Variants in TEK observed in about 807,000 individuals in gnomAD.
TEK encodes the protein angiopoietin-1 receptor.
In TEK, 43 loss-of-function variants were observed where a neutral mutation model predicts 131.8. The observed-to-expected ratio is 0.33, with a 90% confidence interval of 0.26 to 0.42. The LOEUF is 0.42. Ranked by LOEUF, TEK falls within the 10% of genes least tolerant of loss-of-function variation. The probability of loss-of-function intolerance (pLI) is 1.00; values close to 1 mark genes in which losing one functional copy is unlikely to be tolerated. For missense variants in TEK, 1,162 were observed against 1,384.4 expected, an observed-to-expected ratio of 0.84 and a Z score of 2.55; for synonymous variants, 580 against 491.6, an observed-to-expected ratio of 1.18 and a Z score of -2.38.
intron 1 of TEK, among the ~76,000 whole-genome samples, chr9:27,110,628 T>C (rs1821302767): frequency 6.6e-6 from 1 of 152,198 alleles, no homozygotes; most frequent in Non-Finnish European, 1.5e-5. Flanking sequence ...TTAATATAAT[T>C]TGATTCGAGT....
chr9:27,152,186 A>G (rs1305084954), intron 1 of TEK, among the ~76,000 whole-genome samples: 3 of 152,240 alleles, frequency 2.0e-5, no homozygotes, highest in South Asian at 2.1e-4. Flanking sequence ...CAGTGACCAT[A>G]CAGTTAGTTG....
chr9:27,221,080 T>G (rs1027674149), intron 21 of TEK, among the ~76,000 whole-genome samples: 1 of 151,964 alleles, frequency 6.6e-6, no homozygotes, highest in East Asian at 1.9e-4. Flanking sequence ...TCCAGCTTGG[T>G]GAGGGGAGAG....
At chr9:27,217,868 G>T in intron 19 of TEK, 110 bp downstream of exon 19, 1 of 953,900 alleles carries the variant, frequency 1.0e-6, no homozygotes. Flanking sequence ...CGGGAACAAA[G>T]GTAACTAAAA....
chr9:27,203,125 T>C lies in TEK; in HGVS notation c.2209+6T>C. 1 of 1,613,914 alleles carries C rather than the reference T, an allele frequency of 6.2e-7. No homozygotes were observed. Among genetic ancestry groups the C allele is most frequent in the Non-Finnish European group, 8.5e-7 (1 of 1,179,898 alleles). On this transcript the variant is annotated splice_donor_region_variant and intron_variant, in intron 13 of 22. Coordinates refer to ENST00000380036, the MANE Select transcript of TEK (RefSeq NM_000459.5). ...GACCCTCCCAGAATCTCAAGGTTGG[T>C]TGAATGGACAAGTATTTACATAGGA...
At position 27,226,811 on chromosome 9, in the gene TEK, A is replaced by G. The variant is rs1197276669; in HGVS notation, c.3201-1395A>G. On this transcript the variant is annotated intron_variant, in intron 21 of 22. Coordinates refer to ENST00000380036, the MANE Select transcript of TEK (RefSeq NM_000459.5). ...AAGTAAGATTTATTCCAAGGGTAAG[A>G]ATAATGAACTGTAGTGATACCAGCA... Among the ~76,000 whole-genome samples, 3 of 152,212 alleles carry G rather than the reference A, an allele frequency of 2.0e-5. No homozygotes were observed. The East Asian group carries it at 5.8e-4, about 29-fold the overall frequency.
In TEK at chr9:27,143,045, G is replaced by A. The variant is rs62544601; in HGVS notation, c.53-14786G>A. The stretch of plus-strand genomic sequence containing the variant: ...TTTGCACACTGCTCTTTAAAGAGCC[G>A]CTCTAGGGAGGTACCCAAAGGGAGT... On this transcript the variant is annotated intron_variant, in intron 1 of 22. Coordinates refer to ENST00000380036, the MANE Select transcript of TEK (RefSeq NM_000459.5). Among the ~76,000 whole-genome samples, 7 of 152,226 alleles carry A rather than the reference G, an allele frequency of 4.6e-5. No individual in the cohort carries two copies. In the East Asian group the frequency reaches 1.3e-3, roughly 29 times the overall value.
chr9:27,177,151 A>G (rs1428650373), intron 6 of TEK, among the ~76,000 whole-genome samples: 1 of 152,242 alleles, frequency 6.6e-6, no homozygotes, highest in Non-Finnish European at 1.5e-5. Flanking sequence ...TGCAATGGAC[A>G]TGAGAAAACA....
intron 1 of TEK, among the ~76,000 whole-genome samples, chr9:27,128,833 C>T (rs1306413535): frequency 6.6e-6 from 1 of 152,190 alleles, no homozygotes; most frequent in East Asian, 1.9e-4. Flanking sequence ...ATTTTCTATC[C>T]TGAGACTTTG....
At chr9:27,134,015 T>C (rs1822325068) in intron 1 of TEK, among the ~76,000 whole-genome samples, 1 of 152,164 alleles carries the variant, frequency 6.6e-6, no homozygotes, top group South Asian at 2.1e-4. Flanking sequence ...CTGTGAGGCA[T>C]GGGAAGTTGA....
intron 11 of TEK, among the ~76,000 whole-genome samples, chr9:27,196,941 C>T (rs1825045551): frequency 6.6e-6 from 1 of 151,734 alleles, no homozygotes; most frequent in Non-Finnish European, 1.5e-5. Flanking sequence ...TATACACGTG[C>T]CATGTTGGTG....
intron 9 of TEK, among the ~76,000 whole-genome samples, chr9:27,189,903 G>A (rs1824747936): frequency 6.6e-6 from 1 of 152,070 alleles, no homozygotes; most frequent in Non-Finnish European, 1.5e-5. Flanking sequence ...CTAGAAGAAA[G>A]ACCAATATCA....
At position 27,218,133 on chromosome 9, in the gene TEK, C is replaced by CGG. The variant is rs1429206297; in HGVS notation, c.3062+379_3062+380dup. 2.2e-3 allele frequency among the ~76,000 whole-genome samples: 317 copies of CGG among 143,922 alleles called. 3 individuals are homozygous for CGG. The highest frequency in any genetic ancestry group is 7.5e-3 in the African/African-American group (296 of 39,454). The allele number at this position is 143,922 out of a possible 152,430, so 94.4% of individuals were successfully genotyped here. A position where few individuals can be genotyped will look rare whatever the true frequency, so the allele number is the denominator to read the frequency against. On this transcript the variant is annotated intron_variant, in intron 19 of 22. Transcript: ENST00000380036. ...GGGACAAAATAAGGCCAGACAGTGG[C>CGG]GGGGGTCGTCTCTGCTTGCAGCCTG... is the stretch of plus-strand genomic sequence containing the variant.
rs146916993 is a variant in TEK at position 27,222,883 on chromosome 9, G to A, written c.3200+2738G>A. Among the ~76,000 whole-genome samples, 22 of 151,752 alleles carry A rather than the reference G, an allele frequency of 1.4e-4. No homozygotes were observed. The South Asian group carries it at 1.5e-3, about 10-fold the overall frequency. The stretch of plus-strand genomic sequence containing the variant: ...ATTATAATATTGAGACCCATCTAAC[G>A]TGCAAAGATACACATAGGCTCAAAA... On this transcript the variant is annotated intron_variant, in intron 21 of 22. Transcript: ENST00000380036.
At chr9:27,110,643 A>G (rs1387485669) in intron 1 of TEK, among the ~76,000 whole-genome samples, 1 of 152,198 alleles carries the variant, frequency 6.6e-6, no homozygotes, top group Non-Finnish European at 1.5e-5. Context: ...TCGAGTATAC[A>G]TAAGTATCTG....
intron 1 of TEK, among the ~76,000 whole-genome samples, chr9:27,119,893 G>GTGTA (rs386414724): frequency 6.6e-6 from 1 of 151,634 alleles, no homozygotes; most frequent in Non-Finnish European, 1.5e-5. Flanking sequence ...GCACATGCGT[G>GTGTA]TGTGTGTGTG....
rs964369276 is a variant in TEK at position 27,171,637 on chromosome 9, C to T, written c.629-979C>T. On this transcript the variant is annotated intron_variant, in intron 4 of 22. Coordinates refer to ENST00000380036, the MANE Select transcript of TEK (RefSeq NM_000459.5). Reference sequence around the variant, plus strand: ...GCTTGAGTCGAGGGGAATCTTTCCACGTACCCAAGACCTATTTCCTTCTGG... The same window carrying T: ...GCTTGAGTCGAGGGGAATCTTTCCATGTACCCAAGACCTATTTCCTTCTGG... Among the ~76,000 whole-genome samples the T allele has an allele frequency of 7.2e-5, 11 of 152,168 alleles. No individual in the cohort carries two copies. The East Asian group carries it at 7.7e-4, about 11-fold the overall frequency.
At chr9:27,174,733 T>C (rs1455352654) in intron 6 of TEK, among the ~76,000 whole-genome samples, 1 of 152,094 alleles carries the variant, frequency 6.6e-6, no homozygotes, top group Non-Finnish European at 1.5e-5. Context: ...CCCCGGAACA[T>C]GCAGTGAGCC....
At position 27,217,872 on chromosome 9, in the gene TEK, A is replaced by G. The variant is rs1825875406; in HGVS notation, c.3062+114A>G. ...CCTGTAGCTCTCGGGAACAAAGGTA[A>G]CTAAAAAGCTCAGGAAATAAATTAG... On this transcript the variant is annotated intron_variant, in intron 19 of 22. Transcript: ENST00000380036. 5.5e-6 allele frequency: 5 copies of G among 910,790 alleles called. No homozygotes were observed. The South Asian group carries it at 7.0e-5, about 13-fold the overall frequency. The allele number at this position is 910,790 out of a possible 1,614,324, so 56.4% of individuals were successfully genotyped here. A position where few individuals can be genotyped will look rare whatever the true frequency, so the allele number is the denominator to read the frequency against.
intron 1 of TEK, among the ~76,000 whole-genome samples, chr9:27,153,374 C>T (rs373999012): frequency 3.9e-5 from 6 of 152,158 alleles, no homozygotes; most frequent in East Asian, 3.9e-4. Flanking sequence ...CTTTTGAACC[C>T]GGGAGGCGGA....
Sources: allele counts gnomAD v4.1 joint callset (sites outside exome capture counted in the v4.1 genomes callset), GRCh38; gene constraint gnomAD v4.1.1; transcripts MANE v1.5; gene names NCBI Gene and HGNC (gene_info 2026-07-23, HGNC 2026-07-21).